Variants in MAN1C1 observed in about 807,000 individuals in gnomAD.
MAN1C1 encodes the protein mannosidase alpha class 1C member 1, also known as mannosyl-oligosaccharide 1,2-alpha-mannosidase IC.
In MAN1C1, 49 loss-of-function variants were observed where a neutral mutation model predicts 71.5. The observed-to-expected ratio is 0.69, with a 90% CI of 0.54 to 0.87. The LOEUF (loss-of-function observed/expected upper bound fraction) is 0.87, where lower values mean the gene tolerates loss of function less well. MAN1C1 is among the 40% of genes least tolerant of loss of function. MAN1C1 has a pLI of 0.00. For synonymous variants in MAN1C1, 352 were observed against 343.7 expected (o/e 1.02, Z -0.27); for missense variants, 743 against 835.0 (o/e 0.89, Z 1.36).
intron 2 of MAN1C1, among the ~76,000 whole-genome samples, chr1:25,688,321 A>G (rs116669528): frequency 0.012 from 1,829 of 152,342 alleles, 11 homozygotes; most frequent in Non-Finnish European, 0.015. Flanking sequence ...CCCTGGGGAA[A>G]GATTGCTGGT....
intron 2 of MAN1C1, among the ~76,000 whole-genome samples, chr1:25,714,632 G>A (rs992018040): frequency 2.6e-5 from 4 of 152,150 alleles, no homozygotes; most frequent in African/African-American, 9.7e-5. Context: ...GAAGATAAAT[G>A]TCCACTAATT....
Position 25,775,086 on chromosome 1 carries a change from G to A in MAN1C1, c.1258-3019G>A, listed in dbSNP as rs72877404. ...TGTGGGAGGCGGTCTGGAAGGTGCA[G>A]GTGCCAGGTCTGGTGCGCAGCATCC... On this transcript the variant is annotated intron_variant, in intron 8 of 11. Coordinates refer to ENST00000374332, the MANE Select transcript of MAN1C1 (RefSeq NM_020379.4). This position sits in a 1 kb window ranked among gnomAD's most constrained non-coding sequence, Gnocchi z 5.1. Among the ~76,000 whole-genome samples, 5,236 of 152,318 alleles carry A rather than the reference G, an allele frequency of 0.034. 302 individuals carry two copies. Among genetic ancestry groups the A allele is most frequent in the African/African-American group, 0.12 (4,884 of 41,556 alleles).
At chr1:25,737,499 A>G (rs1354169624) in intron 2 of MAN1C1, among the ~76,000 whole-genome samples, 2 of 152,194 alleles carry the variant, frequency 1.3e-5, no homozygotes, top group African/African-American at 4.8e-5. Context: ...GAGCCCCAAG[A>G]AAGAGCTGTT....
Position 25,717,363 on chromosome 1 carries a change from T to TTA in MAN1C1, c.638-29294_638-29293dup, listed in dbSNP as rs200519062. ...CTGTCTTTACAAAAAAAAGAAAAAA[T>TTA]TATATATATATAGCTGGGCATGGTG... On this transcript the variant is annotated intron_variant, in intron 2 of 11. Transcript: ENST00000374332. Among the ~76,000 whole-genome samples the TTA allele has an allele frequency of 2.5e-3, 376 of 151,438 alleles. 1 individual carries two copies. The highest frequency in any genetic ancestry group is 8.4e-3 in the African/African-American group (348 of 41,284).
At position 25,730,023 on chromosome 1, in the gene MAN1C1, T is replaced by C. The variant is rs191473615; in HGVS notation, c.638-16645T>C. On this transcript the variant is annotated intron_variant, in intron 2 of 11. Transcript: ENST00000374332. This position sits in a 1 kb window ranked among gnomAD's most constrained non-coding sequence, Gnocchi z 4.3. ...GCTGTTTTGCTGGGAAATTGCTTAC[T>C]GTCTTTCTGAGAAAGCAGCTGCAGC... Among the ~76,000 whole-genome samples the C allele has an allele frequency of 5.3e-5, 8 of 152,336 alleles. No individual in the cohort carries two copies. Among genetic ancestry groups the C allele is most frequent in the Admixed American group, 1.3e-4 (2 of 15,304 alleles).
chr1:25,767,750 C>G (rs1346622450), intron 7 of MAN1C1, among the ~76,000 whole-genome samples: 101 of 58,908 alleles, frequency 1.7e-3, no homozygotes, highest in Middle Eastern at 0.024. Context: ...CCCACACACC[C>G]ACACTCCCCT....
At chr1:25,745,695 C>T (rs903373596) in intron 2 of MAN1C1, among the ~76,000 whole-genome samples, 2 of 152,142 alleles carry the variant, frequency 1.3e-5, no homozygotes, top group Admixed American at 6.5e-5. Flanking sequence ...AGGATTGGCA[C>T]GGTTGATTTT....
At chr1:25,712,313 C>A (rs578233594) in intron 2 of MAN1C1, among the ~76,000 whole-genome samples, 6 of 152,292 alleles carry the variant, frequency 3.9e-5, no homozygotes, top group African/African-American at 1.4e-4. Flanking sequence ...CCGTTAGGCA[C>A]CTTGTTGATT....
At chr1:25,700,936 C>G (rs1490350880) in intron 2 of MAN1C1, among the ~76,000 whole-genome samples, 3 of 152,226 alleles carry the variant, frequency 2.0e-5, no homozygotes, top group Admixed American at 6.5e-5. Flanking sequence ...CCAGGCACCC[C>G]CCAGATGGCT....
chr1:25,713,105 A>C (rs1280805197), intron 2 of MAN1C1, among the ~76,000 whole-genome samples: 1 of 152,106 alleles, frequency 6.6e-6, no homozygotes, highest in Non-Finnish European at 1.5e-5. Context: ...TAGTCTTCCC[A>C]TTTTCCCATT....
At position 25,753,473 on chromosome 1, in the gene MAN1C1, C is replaced by G. The variant is rs2047243828; in HGVS notation, c.835-11C>G. ...CTGGAGTCAAAAGCCCTTTGATCCC[C>G]TCCTTTACAGGTGTTCCGAATAAAG... On this transcript the variant is annotated splice_polypyrimidine_tract_variant and intron_variant, in intron 4 of 11. Transcript: ENST00000374332. The surrounding 1 kb of genome is among the most constrained non-coding windows in gnomAD (Gnocchi z 4.9). 6.2e-7 allele frequency: 1 copy of G among 1,607,906 alleles called. No individual in the cohort carries two copies. Among genetic ancestry groups the G allele is most frequent in the African/African-American group, 1.3e-5 (1 of 74,726 alleles).
chr1:25,739,130 G>C (rs1193877492), intron 2 of MAN1C1, among the ~76,000 whole-genome samples: 1 of 152,136 alleles, frequency 6.6e-6, no homozygotes, highest in African/African-American at 2.4e-5. Flanking sequence ...AAGAGACCCT[G>C]TCTCAAAAAA....
At position 25,632,068 on chromosome 1, in the gene MAN1C1, G is replaced by A. The variant is rs557986930; in HGVS notation, c.540+13731G>A. On this transcript the variant is annotated intron_variant, in intron 1 of 11. Coordinates refer to ENST00000374332, the MANE Select transcript of MAN1C1 (RefSeq NM_020379.4). ...GTTGGGATTACAGATGCGGGCTGCC[G>A]TGTCCAGCCCCAATTCTTCTTTGAA... Among the ~76,000 whole-genome samples, 10 of 152,306 alleles carry A rather than the reference G, an allele frequency of 6.6e-5. No homozygotes were observed. In the East Asian group the frequency reaches 1.2e-3, roughly 18 times the overall value.
chr1:25,731,269 C>T (rs2046905349), intron 2 of MAN1C1, among the ~76,000 whole-genome samples: 1 of 152,186 alleles, frequency 6.6e-6, no homozygotes, highest in Non-Finnish European at 1.5e-5. Context: ...GTGATCGTGC[C>T]ACTGCACTGC....
chr1:25,738,206 A>G (rs2047009695), intron 2 of MAN1C1, among the ~76,000 whole-genome samples: 2 of 152,162 alleles, frequency 1.3e-5, no homozygotes, highest in Admixed American at 6.5e-5. Flanking sequence ...GCACAGTGCT[A>G]TGTCACCCAG....
intron 2 of MAN1C1, among the ~76,000 whole-genome samples, chr1:25,722,657 TTTTC>T (rs1180726045): frequency 6.6e-6 from 1 of 152,242 alleles, no homozygotes; most frequent in Non-Finnish European, 1.5e-5. Context: ...GTTTTTGAAG[TTTTC>T]TTCTTCCTGC....
chr1:25,778,404 G>A lies in MAN1C1; in HGVS notation c.1477+80G>A, dbSNP rs1430641917. ...GAACTGGAAAGACCGGCAGCAGTGA[G>A]CGAAGGGAGCACATGGCCTTAGGGA... On this transcript the variant is annotated intron_variant, in intron 9 of 11. Coordinates refer to ENST00000374332, the MANE Select transcript of MAN1C1 (RefSeq NM_020379.4). The surrounding 1 kb of genome is among the most constrained non-coding windows in gnomAD (Gnocchi z 5.5). 1 of 1,401,510 alleles carries A rather than the reference G, an allele frequency of 7.1e-7. No homozygotes were observed. 86.8% of individuals were successfully genotyped at this position (1,401,510 alleles called of 1,614,324 possible). A position where few individuals can be genotyped will look rare whatever the true frequency, so the allele number is the denominator to read the frequency against.
At chr1:25,696,087 T>C (rs1259010383) in intron 2 of MAN1C1, among the ~76,000 whole-genome samples, 1 of 152,238 alleles carries the variant, frequency 6.6e-6, no homozygotes, top group African/African-American at 2.4e-5. Context: ...AGATGATTCA[T>C]ATTGAAATTG....
At chr1:25,756,706 T>TTGA in intron 5 of MAN1C1, among the ~76,000 whole-genome samples, 1 of 151,928 alleles carries the variant, frequency 6.6e-6, no homozygotes, top group Non-Finnish European at 1.5e-5. Context: ...AGCAGACCTG[T>TTGA]TTGAATCCTG....
Sources: allele counts gnomAD v4.1 joint callset (sites outside exome capture counted in the v4.1 genomes callset), GRCh38; gene constraint gnomAD v4.1.1; non-coding constraint Gnocchi (gnomAD v3.1); transcripts MANE v1.5; gene names NCBI Gene and HGNC (gene_info 2026-07-23, HGNC 2026-07-21).